The following ZNF804B variants were observed in gnomAD, a reference collection of about 807,000 sequenced individuals.
ZNF804B encodes the protein zinc finger protein 804B, also known as zinc finger 804B.
In ZNF804B, 80 loss-of-function variants were observed where a neutral mutation model predicts 101.4. That is an observed-to-expected ratio of 0.79 (90% CI 0.66 to 0.95). The LOEUF (loss-of-function observed/expected upper bound fraction) is 0.95. Ranked by LOEUF, ZNF804B falls within the 40% of genes least tolerant of loss-of-function variation. ZNF804B has a pLI of 0.00. For synonymous variants in ZNF804B, 622 were observed against 558.8 expected, an observed-to-expected ratio of 1.11 and a Z score of -1.59; for missense variants, 1,673 against 1,561.9, an observed-to-expected ratio of 1.07 and a Z score of -1.20.
intron 2 of ZNF804B, among the ~76,000 whole-genome samples, chr7:89,287,643 T>A (rs916760434): frequency 6.6e-6 from 1 of 152,088 alleles, no homozygotes; most frequent in Non-Finnish European, 1.5e-5. Context: ...AACTTTTGAG[T>A]TGCTCACAAA....
In ZNF804B at chr7:89,251,759, C is replaced by T. The variant is rs144156423; in HGVS notation, c.249+33464C>T. On this transcript the variant is annotated intron_variant, in intron 2 of 3. Coordinates refer to ENST00000333190, the MANE Select transcript of ZNF804B (RefSeq NM_181646.5). ...GAGAACCCAGAAATGAAGCTGCACA[C>T]CTATAACCATCTGATCTTTGACAAG... 2.8e-4 allele frequency among the ~76,000 whole-genome samples: 43 copies of T among 152,098 alleles called. No individual in the cohort carries two copies. In the East Asian group the frequency reaches 7.9e-3, roughly 28 times the overall value.
intron 1 of ZNF804B, among the ~76,000 whole-genome samples, chr7:88,762,573 T>C (rs966393722): frequency 1.3e-5 from 2 of 152,212 alleles, no homozygotes; most frequent in Admixed American, 1.3e-4. Context: ...AATTCAGCAA[T>C]ACACATTCCC....
intron 2 of ZNF804B, among the ~76,000 whole-genome samples, chr7:89,219,706 A>T (rs1253630279): frequency 1.4e-5 from 2 of 144,720 alleles, no homozygotes; most frequent in African/African-American, 5.3e-5. Flanking sequence ...CACATTCCTG[A>T]TACCAAATGG....
At chr7:89,091,596 A>ATTTGAT (rs1350993854) in intron 1 of ZNF804B, among the ~76,000 whole-genome samples, 2 of 152,186 alleles carry the variant, frequency 1.3e-5, no homozygotes, top group Middle Eastern at 3.2e-3. Flanking sequence ...ATAAACAAGC[A>ATTTGAT]TTTGATTCCT....
chr7:89,272,801 G>A (rs1444079726), intron 2 of ZNF804B, among the ~76,000 whole-genome samples: 1 of 151,996 alleles, frequency 6.6e-6, no homozygotes, highest in Non-Finnish European at 1.5e-5. Flanking sequence ...CCTACCATCA[G>A]ATCAGGAAAA....
chr7:88,807,182 A>G (rs1790705127), intron 1 of ZNF804B, among the ~76,000 whole-genome samples: 1 of 152,198 alleles, frequency 6.6e-6, no homozygotes, highest in Admixed American at 6.5e-5. Context: ...ATGCTCTGCA[A>G]ACTTTTAAAA....
chr7:89,103,728 T>C (rs1163198397), intron 1 of ZNF804B, among the ~76,000 whole-genome samples: 1 of 152,002 alleles, frequency 6.6e-6, no homozygotes, highest in Non-Finnish European at 1.5e-5. Context: ...TATTTCTTTC[T>C]CCTGCCTGAT....
chr7:89,172,983 A>G (rs2096111502), intron 1 of ZNF804B, among the ~76,000 whole-genome samples: 1 of 152,170 alleles, frequency 6.6e-6, no homozygotes, highest in South Asian at 2.1e-4. Context: ...TAGTGGTACC[A>G]AAGAAAACCA....
At chr7:89,151,575 T>C (rs1209010025) in intron 1 of ZNF804B, among the ~76,000 whole-genome samples, 4 of 152,098 alleles carry the variant, frequency 2.6e-5, no homozygotes, top group East Asian at 3.9e-4. Flanking sequence ...CATCATTCAT[T>C]ATGTGTTTCT....
chr7:89,025,861 C>T (rs1265334709), intron 1 of ZNF804B, among the ~76,000 whole-genome samples: 4 of 152,036 alleles, frequency 2.6e-5, no homozygotes, highest in Non-Finnish European at 4.4e-5. Context: ...ACTGAAATTA[C>T]GATTTTTAAA....
At chr7:89,317,379 G>T (rs1338098967) in intron 2 of ZNF804B, among the ~76,000 whole-genome samples, 1 of 152,194 alleles carries the variant, frequency 6.6e-6, no homozygotes, top group African/African-American at 2.4e-5. Context: ...GAAAAGAGCA[G>T]AAAAATTGAG....
intron 1 of ZNF804B, among the ~76,000 whole-genome samples, chr7:88,910,498 TCAAATAATCCTA>T (rs1421020368): frequency 6.6e-6 from 1 of 151,928 alleles, no homozygotes; most frequent in Non-Finnish European, 1.5e-5. Context: ...ATTTTAACCA[TCAAATAATCCTA>T]CAATGTCTTA....
intron 2 of ZNF804B, among the ~76,000 whole-genome samples, chr7:89,252,998 T>C (rs1789565656): frequency 6.6e-6 from 1 of 152,124 alleles, no homozygotes; most frequent in South Asian, 2.1e-4. Flanking sequence ...CAAACCTGCA[T>C]GTGTACCCAC....
intron 1 of ZNF804B, among the ~76,000 whole-genome samples, chr7:89,104,425 T>G (rs1790105435): frequency 6.6e-6 from 1 of 152,002 alleles, no homozygotes; most frequent in African/African-American, 2.4e-5. Context: ...CATTATTGGT[T>G]TGTTCAGGGT....
chr7:89,201,242 C>CAGA (rs1256015173), intron 1 of ZNF804B, among the ~76,000 whole-genome samples: 1 of 151,940 alleles, frequency 6.6e-6, no homozygotes, highest in Non-Finnish European at 1.5e-5. Context: ...GATTCCAACC[C>CAGA]AGAGTAGTAA....
intron 1 of ZNF804B, among the ~76,000 whole-genome samples, chr7:89,212,904 G>T (rs1788826424): frequency 6.6e-6 from 1 of 152,082 alleles, no homozygotes; most frequent in Non-Finnish European, 1.5e-5. Flanking sequence ...ATATTTTGGG[G>T]TGGCATATTC....
At chr7:88,949,852 T>C (rs1191399320) in intron 1 of ZNF804B, among the ~76,000 whole-genome samples, 3 of 151,974 alleles carry the variant, frequency 2.0e-5, no homozygotes, top group African/African-American at 7.2e-5. Context: ...AGTAACATGC[T>C]GTACAGGTTT....
At chr7:88,905,221 T>C (rs1281277363) in intron 1 of ZNF804B, among the ~76,000 whole-genome samples, 1 of 152,214 alleles carries the variant, frequency 6.6e-6, no homozygotes, top group African/African-American at 2.4e-5. Context: ...GGTTTTTGCT[T>C]TTAATCCTGT....
intron 2 of ZNF804B, among the ~76,000 whole-genome samples, chr7:89,225,167 A>C (rs7804810): frequency 0.12 from 18,581 of 151,936 alleles, 1,218 homozygotes; most frequent in Middle Eastern, 0.25. Flanking sequence ...TCCAGTTCTA[A>C]TGTCCTGTTG....
Sources: gnomAD v4.1 joint callset for allele counts (sites outside exome capture counted in the v4.1 genomes callset) on GRCh38, gnomAD v4.1.1 for gene constraint, MANE v1.5 for transcripts, NCBI Gene and HGNC (gene_info 2026-07-23, HGNC 2026-07-21) for gene names.